NELL1: variants seen among roughly 807,000 people sequenced by gnomAD.
The protein encoded by NELL1 is neural EGFL like 1.
A neutral mutation model predicts 107.4 loss-of-function variants in NELL1; 76 were observed. That is an observed-to-expected ratio of 0.71 (90% CI 0.59 to 0.86). The LOEUF (loss-of-function observed/expected upper bound fraction) is 0.86. NELL1 is among the 40% of genes least tolerant of loss of function. The probability of loss-of-function intolerance (pLI) is 0.00; values close to 1 mark genes in which losing one functional copy is unlikely to be tolerated. For synonymous variants in NELL1, 353 were observed against 341.2 expected, an observed-to-expected ratio of 1.03 and a Z score of -0.38; for missense variants, 1,024 against 1,005.5, an observed-to-expected ratio of 1.02 and a Z score of -0.25.
At chr11:21,385,255 C>G (rs79877521) in intron 15 of NELL1, among the ~76,000 whole-genome samples, 2,762 of 151,832 alleles carry the variant, frequency 0.018, 83 homozygotes, top group African/African-American at 0.063. Context: ...ATTATATTTC[C>G]GGAGACCAGG....
At chr11:21,570,492 C>A (rs528255572) in intron 17 of NELL1, among the ~76,000 whole-genome samples, 1 of 151,736 alleles carries the variant, frequency 6.6e-6, no homozygotes, top group Admixed American at 6.6e-5. Flanking sequence ...CTTAGAAATA[C>A]GATTTTTAAG....
chr11:20,818,000 T>C (rs1245239428), intron 3 of NELL1, among the ~76,000 whole-genome samples: 1 of 152,136 alleles, frequency 6.6e-6, no homozygotes, highest in Non-Finnish European at 1.5e-5. Flanking sequence ...ACTTGCTTTA[T>C]GGAAAAGCAT....
chr11:21,350,927 AT>A (rs1490324050), intron 14 of NELL1, among the ~76,000 whole-genome samples: 1 of 152,142 alleles, frequency 6.6e-6, no homozygotes, highest in Non-Finnish European at 1.5e-5. Context: ...ACGTGACCTT[AT>A]TTGGGAATAG....
In NELL1 at chr11:21,032,109, C is replaced by G. The variant is rs997206702; in HGVS notation, c.1300+71549C>G. Among the ~76,000 whole-genome samples the G allele has an allele frequency of 2.0e-5, 3 of 150,364 alleles. No individual in the cohort carries two copies. The East Asian group carries it at 5.8e-4, about 29-fold the overall frequency. Reference sequence around the variant, plus strand: ...ATGATAAAATAAACAAAATTGAAAACAATCCGTGTGGCTACCATCTATTTT... The same window carrying G: ...ATGATAAAATAAACAAAATTGAAAAGAATCCGTGTGGCTACCATCTATTTT... On this transcript the variant is annotated intron_variant, in intron 12 of 19. Coordinates refer to ENST00000357134, the MANE Select transcript of NELL1 (RefSeq NM_006157.5).
intron 4 of NELL1, among the ~76,000 whole-genome samples, chr11:20,877,934 C>T (rs886763305): frequency 1.3e-5 from 2 of 152,016 alleles, no homozygotes; most frequent in Non-Finnish European, 2.9e-5. Flanking sequence ...TTCTTCAGCC[C>T]AAAGAAAGGG....
intron 15 of NELL1, among the ~76,000 whole-genome samples, chr11:21,371,842 A>G (rs1851364164): frequency 6.6e-6 from 1 of 152,070 alleles, no homozygotes; most frequent in Non-Finnish European, 1.5e-5. Context: ...TGCCAGAGAT[A>G]TAAGCAAAGT....
intron 3 of NELL1, among the ~76,000 whole-genome samples, chr11:20,839,434 C>T (rs1251806611): frequency 6.6e-6 from 1 of 152,160 alleles, no homozygotes; most frequent in East Asian, 1.9e-4. Flanking sequence ...AAGGGAGAGA[C>T]AGAAAAGCAC....
At chr11:20,958,746 A>G (rs928930203) in intron 11 of NELL1, among the ~76,000 whole-genome samples, 1 of 152,212 alleles carries the variant, frequency 6.6e-6, no homozygotes, top group Non-Finnish European at 1.5e-5. Context: ...AGGGAACAAG[A>G]AAGACTGTTA....
chr11:20,975,306 G>A (rs770482122), intron 12 of NELL1, among the ~76,000 whole-genome samples: 5 of 151,708 alleles, frequency 3.3e-5, no homozygotes, highest in African/African-American at 4.8e-5. Context: ...ATGAACCACC[G>A]CACCCGGCTG....
intron 12 of NELL1, among the ~76,000 whole-genome samples, chr11:21,079,387 A>T (rs1854212817): frequency 6.6e-6 from 1 of 152,104 alleles, no homozygotes; most frequent in African/African-American, 2.4e-5. Context: ...TAATTCATAA[A>T]GGTGAATTAC....
At chr11:21,070,452 G>C (rs1853983829) in intron 12 of NELL1, among the ~76,000 whole-genome samples, 1 of 152,058 alleles carries the variant, frequency 6.6e-6, no homozygotes, top group South Asian at 2.1e-4. Context: ...AGAGCTAAAA[G>C]GAATTAGAAA....
At chr11:21,226,911 C>T (rs529800911) in intron 13 of NELL1, among the ~76,000 whole-genome samples, 82 of 152,006 alleles carry the variant, frequency 5.4e-4, no homozygotes, top group African/African-American at 1.9e-3. Flanking sequence ...TGTGGGTCAA[C>T]GAAACAACAT....
At chr11:21,402,684 A>G (rs1852127080) in intron 15 of NELL1, among the ~76,000 whole-genome samples, 1 of 151,492 alleles carries the variant, frequency 6.6e-6, no homozygotes, top group African/African-American at 2.4e-5. Flanking sequence ...TTTGTTCAAG[A>G]ACAAGTCCTT....
intron 13 of NELL1, among the ~76,000 whole-genome samples, chr11:21,168,942 C>G (rs1380944899): frequency 1.3e-5 from 2 of 151,860 alleles, no homozygotes; most frequent in African/African-American, 4.9e-5. Flanking sequence ...TACCTTCTTC[C>G]TAATTATTTG....
intron 13 of NELL1, among the ~76,000 whole-genome samples, chr11:21,131,925 C>T (rs1027139058): frequency 9.2e-5 from 14 of 152,196 alleles, no homozygotes; most frequent in Non-Finnish European, 2.1e-4. Flanking sequence ...AAAGAACCTT[C>T]CTTTGCACAT....
intron 13 of NELL1, among the ~76,000 whole-genome samples, chr11:21,186,269 A>G (rs2133830018): frequency 6.6e-6 from 1 of 151,932 alleles, no homozygotes; most frequent in African/African-American, 2.4e-5. Context: ...CACAGTATAT[A>G]CACCAGTGAA....
At chr11:20,814,705 T>G (rs1857585162) in intron 3 of NELL1, among the ~76,000 whole-genome samples, 1 of 152,240 alleles carries the variant, frequency 6.6e-6, no homozygotes. Context: ...CCACTGTTGG[T>G]GGGCACCTAG....
chr11:21,213,154 A>T (rs1365995795), intron 13 of NELL1, among the ~76,000 whole-genome samples: 1 of 152,178 alleles, frequency 6.6e-6, no homozygotes, highest in Non-Finnish European at 1.5e-5. Flanking sequence ...ATATCTAGTT[A>T]AAAGTCTAAC....
chr11:21,074,922 CAG>C (rs1272305124), intron 12 of NELL1, among the ~76,000 whole-genome samples: 1 of 152,058 alleles, frequency 6.6e-6, no homozygotes, highest in African/African-American at 2.4e-5. Context: ...GAGAGAAATT[CAG>C]AGAATTCTCT....
Sources: allele counts gnomAD v4.1 joint callset (sites outside exome capture counted in the v4.1 genomes callset), GRCh38; gene constraint gnomAD v4.1.1; transcripts MANE v1.5; gene names NCBI Gene and HGNC (gene_info 2026-07-23, HGNC 2026-07-21).